The following PACSIN2 variants were observed in gnomAD, a reference collection of about 807,000 sequenced individuals.
The protein encoded by PACSIN2 is protein kinase C and casein kinase substrate in neurons 2.
Under a neutral mutation model 63.8 loss-of-function variants are expected in PACSIN2, and 25 were observed. The observed-to-expected ratio is 0.39, with a 90% CI of 0.29 to 0.55. PACSIN2 has a LOEUF of 0.55. Ranked by LOEUF, PACSIN2 falls within the 20% of genes least tolerant of loss-of-function variation. The pLI is 0.62. For missense variants in PACSIN2, 518 were observed against 646.9 expected, an observed-to-expected ratio of 0.80 and a Z score of 2.16; for synonymous variants, 255 against 256.2, an observed-to-expected ratio of 1.00 and a Z score of 0.05.
At chr22:42,942,958 C>CTG (rs1012594117) in intron 1 of PACSIN2, among the ~76,000 whole-genome samples, 2 of 152,204 alleles carry the variant, frequency 1.3e-5, no homozygotes, top group Non-Finnish European at 2.9e-5. Context: ...AAAGGGACTG[C>CTG]TGTGACTCTG....
Position 42,884,511 on chromosome 22 carries a change from G to A in PACSIN2, c.660C>T (p.Pro220=). Residue 220 remains proline, a synonymous_variant, in exon 6 of 11, where the codon CCC becomes CCT. Transcript: ENST00000263246. ...CCTGCTCCATGTTCTCCATGTACTG[G>A]GGTGTGCCCTGGTCGAGTTCCTTCA... ...KSLKELDQGT[P]QYMENMEQVF... 1.9e-6 allele frequency: 3 copies of A among 1,614,126 alleles called. No homozygotes were observed. The highest frequency in any genetic ancestry group is 2.5e-6 in the Non-Finnish European group (3 of 1,179,986).
At chr22:42,915,262 A>G (rs946602168) in intron 1 of PACSIN2, among the ~76,000 whole-genome samples, 3 of 152,178 alleles carry the variant, frequency 2.0e-5, no homozygotes, top group African/African-American at 7.2e-5. Flanking sequence ...CTGAGGAGAG[A>G]GGTAATATAA....
intron 10 of PACSIN2, among the ~76,000 whole-genome samples, chr22:42,875,781 C>CT (rs1928567802): frequency 7.9e-6 from 1 of 127,264 alleles, no homozygotes; most frequent in African/African-American, 2.8e-5. Flanking sequence ...AGTGATCTGC[C>CT]TGCCTTGGCC....
At chr22:43,007,661 G>A (rs1292289556) in intron 1 of PACSIN2, among the ~76,000 whole-genome samples, 3 of 152,176 alleles carry the variant, frequency 2.0e-5, no homozygotes, top group Admixed American at 6.5e-5. Context: ...AGGACAGTCA[G>A]ACCCGCCCTC....
rs190803624 is a variant in PACSIN2, at chr22:42,986,544, T to C, written c.-78+28477A>G. On this transcript the variant is annotated intron_variant, in intron 1 of 10. Coordinates refer to ENST00000263246, the MANE Select transcript of PACSIN2 (RefSeq NM_001184970.3). ...TCCTCCACAGTTCACGGAGGCCTTT[T>C]GGGGCCCTGCACGCTGCTGAGTGCA... Among the ~76,000 whole-genome samples, 3 of 152,266 alleles carry C rather than the reference T, an allele frequency of 2.0e-5. No homozygotes were observed. The East Asian group carries it at 5.8e-4, about 29-fold the overall frequency.
intron 1 of PACSIN2, among the ~76,000 whole-genome samples, chr22:42,913,884 G>T (rs1482857526): frequency 6.6e-6 from 1 of 152,098 alleles, no homozygotes; most frequent in Admixed American, 6.6e-5. Flanking sequence ...AGTAAATCAG[G>T]CTTCCTACAA....
chr22:42,927,866 C>T (rs1025072856), intron 1 of PACSIN2, among the ~76,000 whole-genome samples: 3 of 152,170 alleles, frequency 2.0e-5, no homozygotes, highest in Non-Finnish European at 2.9e-5. Flanking sequence ...CAATTACAGG[C>T]GTGAGCCACC....
chr22:42,914,904 C>A (rs1445151349), intron 1 of PACSIN2, among the ~76,000 whole-genome samples: 1 of 152,194 alleles, frequency 6.6e-6, no homozygotes, highest in Non-Finnish European at 1.5e-5. Context: ...GTCTGTCATC[C>A]AAGCTGGAGT....
At chr22:42,918,506 G>A (rs1428382768) in intron 1 of PACSIN2, among the ~76,000 whole-genome samples, 7 of 152,166 alleles carry the variant, frequency 4.6e-5, no homozygotes, top group Non-Finnish European at 7.3e-5. Flanking sequence ...TATAAAAGAT[G>A]TATTATTGTT....
intron 1 of PACSIN2, among the ~76,000 whole-genome samples, chr22:42,957,618 T>C (rs970468880): frequency 6.6e-6 from 1 of 152,234 alleles, no homozygotes; most frequent in Non-Finnish European, 1.5e-5. Flanking sequence ...ATTAAATCGT[T>C]TTCTCCTTTA....
chr22:42,989,669 G>A (rs1922876654), intron 1 of PACSIN2, among the ~76,000 whole-genome samples: 1 of 150,650 alleles, frequency 6.6e-6, no homozygotes, highest in South Asian at 2.1e-4. Flanking sequence ...ATGGTGGTGG[G>A]TGCCTGTAGT....
intron 1 of PACSIN2, among the ~76,000 whole-genome samples, chr22:42,950,180 G>T (rs567919513): frequency 2.6e-5 from 4 of 151,936 alleles, no homozygotes; most frequent in Non-Finnish European, 4.4e-5. Context: ...TATTTACATT[G>T]TATTTATATT....
intron 2 of PACSIN2, among the ~76,000 whole-genome samples, chr22:42,899,548 T>C (rs1481071304): frequency 6.6e-6 from 1 of 151,824 alleles, no homozygotes. Context: ...AAAGGCCAAG[T>C]GTGGGCAGAG....
intron 1 of PACSIN2, among the ~76,000 whole-genome samples, chr22:42,951,597 C>T (rs575918129): frequency 6.6e-6 from 1 of 152,328 alleles, no homozygotes; most frequent in South Asian, 2.1e-4. Context: ...GACACAGCTG[C>T]TCAGGACAAA....
chr22:42,913,841 C>A (rs1367892342), intron 1 of PACSIN2, among the ~76,000 whole-genome samples: 1 of 152,102 alleles, frequency 6.6e-6, no homozygotes, highest in Non-Finnish European at 1.5e-5. Context: ...CTCCATTACA[C>A]CAAGATGTTT....
chr22:42,886,149 C>T (rs932968511), intron 5 of PACSIN2, among the ~76,000 whole-genome samples: 1 of 152,158 alleles, frequency 6.6e-6, no homozygotes, highest in African/African-American at 2.4e-5. Context: ...CAGCCTGTGC[C>T]GACCCTGCTA....
chr22:42,952,184 A>G (rs1222168873), intron 1 of PACSIN2, among the ~76,000 whole-genome samples: 1 of 152,202 alleles, frequency 6.6e-6, no homozygotes, highest in African/African-American at 2.4e-5. Context: ...TGTTCCTACC[A>G]CTGATACGTA....
At chr22:42,980,351 T>C (rs1266363157) in intron 1 of PACSIN2, among the ~76,000 whole-genome samples, 6 of 152,116 alleles carry the variant, frequency 3.9e-5, no homozygotes, top group Admixed American at 2.0e-4. Flanking sequence ...TTGTCTCTAC[T>C]AAAAATCAAA....
intron 1 of PACSIN2, among the ~76,000 whole-genome samples, chr22:42,924,820 G>A (rs1484861418): frequency 4.0e-5 from 6 of 150,312 alleles, no homozygotes; most frequent in African/African-American, 7.4e-5. Flanking sequence ...GCAGTGGCAC[G>A]ATCTCAGATC....
Sources: allele counts gnomAD v4.1 joint callset (sites outside exome capture counted in the v4.1 genomes callset), GRCh38; gene constraint gnomAD v4.1.1; transcripts MANE v1.5; gene names NCBI Gene and HGNC (gene_info 2026-07-23, HGNC 2026-07-21).